Variants in ARRB1 observed in about 807,000 individuals in gnomAD.
ARRB1 encodes beta-arrestin-1.
A neutral mutation model predicts 56.8 loss-of-function variants in ARRB1; 21 were observed. That is an observed-to-expected ratio of 0.37 (90% confidence interval 0.26 to 0.53). The LOEUF (loss-of-function observed/expected upper bound fraction) is 0.53, where lower values mean the gene tolerates loss of function less well. Ranked by LOEUF, ARRB1 falls within the 20% of genes least tolerant of loss-of-function variation. The pLI is 0.88. For missense variants in ARRB1, 424 were observed against 553.7 expected (o/e 0.77, Z 2.35); for synonymous variants, 210 against 218.6 (o/e 0.96, Z 0.35).
chr11:75,308,560 A>G (rs1331297114), intron 1 of ARRB1, among the ~76,000 whole-genome samples: 3 of 152,176 alleles, frequency 2.0e-5, no homozygotes, highest in Non-Finnish European at 4.4e-5. Context: ...CCTGGCCAAC[A>G]TGGTGAAACC....
rs776666042 is a variant in ARRB1 at position 75,261,993 on chromosome 11, G to A, written c.*4170C>T. 5.3e-5 allele frequency: 8 copies of A among 152,202 alleles called. No homozygotes were observed. Among genetic ancestry groups the A allele is most frequent in the African/African-American group, 1.7e-4 (7 of 41,438 alleles). 9.4% of individuals were successfully genotyped at this position (152,202 alleles called of 1,614,324 possible). A position where few individuals can be genotyped will look rare whatever the true frequency, so the allele number is the denominator to read the frequency against. Reference sequence around the variant, plus strand: ...CAGGCAGGAGAGAAGCTGCCGCTCTGGGATGCTGACGCCACTGCATCCGCT... The same window carrying A: ...CAGGCAGGAGAGAAGCTGCCGCTCTAGGATGCTGACGCCACTGCATCCGCT... On this transcript the variant is annotated 3_prime_UTR_variant, in exon 16 of 16. Coordinates refer to ENST00000420843, the MANE Select transcript of ARRB1 (RefSeq NM_004041.5).
At chr11:75,319,303 A>C (rs1370651812) in intron 1 of ARRB1, among the ~76,000 whole-genome samples, 8 of 152,180 alleles carry the variant, frequency 5.3e-5, no homozygotes, top group Admixed American at 5.2e-4. Context: ...CGTGCTCTCC[A>C]AGCCCAGGCC....
intron 2 of ARRB1, among the ~76,000 whole-genome samples, chr11:75,289,305 G>A (rs1946551606): frequency 1.3e-5 from 2 of 152,158 alleles, no homozygotes; most frequent in South Asian, 4.1e-4. Context: ...CTACAATGCT[G>A]TTTTCACCTT....
In ARRB1 at chr11:75,261,970, G is replaced by A. The variant is rs1473912874; in HGVS notation, c.*4193C>T. 2 of 152,212 alleles carry A rather than the reference G, an allele frequency of 1.3e-5. No homozygotes were observed. Among genetic ancestry groups the A allele is most frequent in the Admixed American group, 6.5e-5 (1 of 15,286 alleles). The allele number at this position is 152,212 out of a possible 1,614,324, so 9.4% of individuals were successfully genotyped here. A position where few individuals can be genotyped will look rare whatever the true frequency, so the allele number is the denominator to read the frequency against. ...GGAGAGCAACCAGTCCCCAGTGACA[G>A]GCAGGAGAGAAGCTGCCGCTCTGGG... On this transcript the variant is annotated 3_prime_UTR_variant, in exon 16 of 16. Transcript: ENST00000420843.
intron 15 of ARRB1, among the ~76,000 whole-genome samples, chr11:75,266,943 G>T (rs1010620064): frequency 6.6e-6 from 1 of 152,286 alleles, no homozygotes; most frequent in Admixed American, 6.5e-5. Flanking sequence ...GGACTAGACT[G>T]CCTTTAAGAA....
intron 2 of ARRB1, 77 bp downstream of exon 2, chr11:75,289,932 G>A (rs980192491): frequency 2.5e-5 from 40 of 1,603,062 alleles, no homozygotes; most frequent in African/African-American, 9.4e-5. Flanking sequence ...GGGACATGCC[G>A]TTTCCTCTGC....
intron 13 of ARRB1, 116 bp downstream of exon 13, chr11:75,271,585 T>A: frequency 1.7e-6 from 2 of 1,188,196 alleles, no homozygotes; most frequent in South Asian, 3.3e-5. Context: ...CCTGGCTATC[T>A]GAAATGACCA....
At chr11:75,271,644 A>G in intron 13 of ARRB1, 57 bp downstream of exon 13, 2 of 1,528,426 alleles carry the variant, frequency 1.3e-6, no homozygotes, top group Non-Finnish European at 1.8e-6. Flanking sequence ...CAGTCAAGCC[A>G]ATGGGCTCCA....
chr11:75,276,500 A>G (rs1946204049), intron 10 of ARRB1, among the ~76,000 whole-genome samples: 1 of 152,220 alleles, frequency 6.6e-6, no homozygotes, highest in African/African-American at 2.4e-5. Context: ...GGCTACCAGG[A>G]AGCCAAGAAC....
At chr11:75,273,817 C>G (rs1946129602) in intron 11 of ARRB1, among the ~76,000 whole-genome samples, 1 of 152,200 alleles carries the variant, frequency 6.6e-6, no homozygotes, top group Non-Finnish European at 1.5e-5. Flanking sequence ...GTTGCCCTCC[C>G]CCAGGCATGG....
intron 1 of ARRB1, among the ~76,000 whole-genome samples, chr11:75,329,139 G>A (rs1453993526): frequency 1.4e-5 from 2 of 146,486 alleles, no homozygotes; most frequent in Non-Finnish European, 3.0e-5. Flanking sequence ...TGTCACCCAG[G>A]CTGACATGCA....
At chr11:75,342,662 C>T (rs1036866090) in intron 1 of ARRB1, among the ~76,000 whole-genome samples, 6 of 152,150 alleles carry the variant, frequency 3.9e-5, no homozygotes, top group East Asian at 1.9e-4. Context: ...TGCCCACACC[C>T]GGGAAAGGCT....
intron 10 of ARRB1, among the ~76,000 whole-genome samples, chr11:75,276,342 A>C (rs1946200930): frequency 6.6e-6 from 1 of 152,192 alleles, no homozygotes. Context: ...ATCCATGCTC[A>C]ACCATAGCAG....
Position 75,264,924 on chromosome 11 carries a change from C to T in ARRB1, c.*1239G>A, listed in dbSNP as rs539403432. 6.6e-6 allele frequency: 1 copy of T among 152,446 alleles called. No individual in the cohort carries two copies. The highest frequency in any genetic ancestry group is 2.1e-4 in the South Asian group (1 of 4,834). 9.4% of individuals were successfully genotyped at this position (152,446 alleles called of 1,614,324 possible). A position where few individuals can be genotyped will look rare whatever the true frequency, so the allele number is the denominator to read the frequency against. On this transcript the variant is annotated 3_prime_UTR_variant, in exon 16 of 16. Transcript: ENST00000420843. ...AGGAACTGCCCCAGGTCTCAATCAA[C>T]CCAACACCAGCTAATGCGTACTGGG...
At chr11:75,315,454 C>A (rs1400974642) in intron 1 of ARRB1, among the ~76,000 whole-genome samples, 1 of 152,148 alleles carries the variant, frequency 6.6e-6, no homozygotes, top group African/African-American at 2.4e-5. Context: ...TAACATCTTG[C>A]ACCCCAACAA....
At chr11:75,296,525 C>T (rs1430913505) in intron 1 of ARRB1, among the ~76,000 whole-genome samples, 2 of 152,216 alleles carry the variant, frequency 1.3e-5, no homozygotes, top group East Asian at 3.9e-4. Context: ...TAATATTTCA[C>T]TGCTCTTCTG....
At position 75,302,671 on chromosome 11, in the gene ARRB1, C is replaced by T. The variant is rs919531089; in HGVS notation, c.21-12632G>A. On this transcript the variant is annotated intron_variant, in intron 1 of 15. Transcript: ENST00000420843. ...ATCCTCTGGAAGGCTCAGCTTCCTT[C>T]GCCTAGAGAATGGGGATAATATCCA... 5.3e-5 allele frequency among the ~76,000 whole-genome samples: 8 copies of T among 152,164 alleles called. No individual in the cohort carries two copies. In the South Asian group the frequency reaches 1.0e-3, roughly 20 times the overall value.
chr11:75,328,689 C>T (rs912836290), intron 1 of ARRB1, among the ~76,000 whole-genome samples: 2 of 152,230 alleles, frequency 1.3e-5, no homozygotes, highest in African/African-American at 2.4e-5. Context: ...CTACTATAGT[C>T]TGAAGCTGCA....
chr11:75,343,902 G>A (rs1000739147), intron 1 of ARRB1, among the ~76,000 whole-genome samples: 4 of 151,646 alleles, frequency 2.6e-5, no homozygotes, highest in African/African-American at 4.8e-5. Flanking sequence ...TGCAAGCTCC[G>A]CCTCCCGGGT....
Sources: allele counts gnomAD v4.1 joint callset (sites outside exome capture counted in the v4.1 genomes callset), GRCh38; gene constraint gnomAD v4.1.1; transcripts MANE v1.5; gene names NCBI Gene and HGNC (gene_info 2026-07-23, HGNC 2026-07-21).